The following ZNF536 variants were observed in gnomAD, a reference collection of about 807,000 sequenced individuals.
The protein encoded by ZNF536 is zinc finger protein 536.
Under a neutral mutation model 84.5 loss-of-function variants are expected in ZNF536, and 13 were observed. The observed-to-expected ratio is 0.15, with a 90% CI of 0.10 to 0.24. ZNF536 has a LOEUF of 0.24. Among genes scored for constraint, ZNF536 ranks in the 10% least tolerant of loss-of-function variants. The pLI, the probability that ZNF536 is intolerant of heterozygous loss-of-function variation, is 1.00. For missense variants in ZNF536, 1,536 were observed against 1,747.5 expected, an observed-to-expected ratio of 0.88 and a Z score of 2.16; for synonymous variants, 811 against 742.5, an observed-to-expected ratio of 1.09 and a Z score of -1.50.
chr19:30,692,108 T>A (rs997525666), intron 1 of ZNF536, among the ~76,000 whole-genome samples: 1 of 152,250 alleles, frequency 6.6e-6, no homozygotes, highest in African/African-American at 2.4e-5. Flanking sequence ...AACTTGCTCC[T>A]CTTTTCTTCC....
rs565516255 is a variant in ZNF536 at position 30,554,785 on chromosome 19, C to T, written c.3896-2372C>T. 7 of 152,296 alleles carry T rather than the reference C, an allele frequency of 4.6e-5. No homozygotes were observed. In the South Asian group the frequency reaches 1.5e-3, roughly 32 times the overall value. The allele number at this position is 152,296 out of a possible 1,614,324, so 9.4% of individuals were successfully genotyped here. On this transcript the variant is annotated intron_variant, in intron 4 of 4. Coordinates refer to ENST00000355537, the MANE Select transcript of ZNF536 (RefSeq NM_014717.3). Reference sequence around the variant, plus strand: ...GACAGGCGATGCACTGGAATTGGCCCACAGGGTCTTATTTGGTCAACCCCT... The same window carrying T: ...GACAGGCGATGCACTGGAATTGGCCTACAGGGTCTTATTTGGTCAACCCCT...
chr19:30,226,692 G>A (rs2022633450), upstream of ZNF536, among the ~76,000 whole-genome samples: 1 of 152,212 alleles, frequency 6.6e-6, no homozygotes, highest in Middle Eastern at 3.4e-3. The surrounding 1 kb of genome is among the most constrained non-coding windows in gnomAD (Gnocchi z 4.6). Context: ...AAATAAATAA[G>A]TAACAGGTTA....
At chr19:30,668,030 G>A (rs904134197) in intron 1 of ZNF536, among the ~76,000 whole-genome samples, 6 of 152,076 alleles carry the variant, frequency 3.9e-5, no homozygotes, top group African/African-American at 7.2e-5. Context: ...GAATTCTATC[G>A]AAATGGCATG....
At chr19:30,576,533 C>T (rs1014157544) in intron 1 of ZNF536, among the ~76,000 whole-genome samples, 2 of 152,146 alleles carry the variant, frequency 1.3e-5, no homozygotes, top group African/African-American at 4.8e-5. Context: ...GACAGCTGTC[C>T]AGAAGCTGCA....
Position 30,594,364 on chromosome 19 carries a change from G to A in ZNF536, c.169+44850G>A, listed in dbSNP as rs1449792788. Among the ~76,000 whole-genome samples the A allele has an allele frequency of 3.9e-5, 6 of 152,092 alleles. No individual in the cohort carries two copies. In the East Asian group the frequency reaches 1.2e-3, roughly 29 times the overall value. The stretch of plus-strand genomic sequence containing the variant: ...GGGCCTGTCCCAGGCTGGTTTCCAG[G>A]GCTGCTTTCTAGGCTGGGGACCCTG... On this transcript the variant is annotated intron_variant, in intron 1 of 1. Coordinates refer to the ZNF536 transcript ENST00000592773.
chr19:30,597,893 C>T (rs1683389833), intron 1 of ZNF536, among the ~76,000 whole-genome samples: 1 of 151,738 alleles, frequency 6.6e-6, no homozygotes, highest in Admixed American at 6.6e-5. Flanking sequence ...GTTGTGTATA[C>T]ATTATTTTGA....
intron 1 of ZNF536, among the ~76,000 whole-genome samples, chr19:30,637,899 T>C (rs905513990): frequency 6.6e-6 from 1 of 152,126 alleles, no homozygotes; most frequent in African/African-American, 2.4e-5. Flanking sequence ...AGGGTTTTTT[T>C]GCAAAGCTGG....
At chr19:30,331,714 T>A (rs1398230765) in intron 2 of ZNF536, among the ~76,000 whole-genome samples, 1 of 152,202 alleles carries the variant, frequency 6.6e-6, no homozygotes, top group Non-Finnish European at 1.5e-5. Context: ...CTCTGAAATC[T>A]GGTCTTCACC....
Position 30,429,136 on chromosome 19 carries a change from G to A in ZNF536, c.-2-14425G>A, listed in dbSNP as rs78384243. Among the ~76,000 whole-genome samples, 286 of 152,284 alleles carry A rather than the reference G, an allele frequency of 1.9e-3. 6 individuals are homozygous for A. In the East Asian group the frequency reaches 0.044, roughly 23 times the overall value. On this transcript the variant is annotated intron_variant, in intron 1 of 4. Transcript: ENST00000355537. ...CCACTGATGTAGTGGTGGGGAGGCC[G>A]TTTGTCTTGGATCCTGGCCCTGGGG... is the stretch of plus-strand genomic sequence containing the variant.
rs536759622 is a variant in ZNF536, at chr19:30,481,011, A to G, written c.2170+35279A>G. ...GTCACTGGACTCCAGCCTGGGCAACAGAGTTAGACCCTGTCTCAAAAAAAA... is the reference window on the plus strand; with the variant it reads ...GTCACTGGACTCCAGCCTGGGCAACGGAGTTAGACCCTGTCTCAAAAAAAA... On this transcript the variant is annotated intron_variant, in intron 2 of 4. Coordinates refer to ENST00000355537, the MANE Select transcript of ZNF536 (RefSeq NM_014717.3). 4.0e-4 allele frequency among the ~76,000 whole-genome samples: 58 copies of G among 143,226 alleles called. 2 individuals are homozygous for G. The South Asian group carries it at 0.014, about 34-fold the overall frequency. 94.0% of individuals were successfully genotyped at this position (143,226 alleles called of 152,430 possible).
intron 2 of ZNF536, among the ~76,000 whole-genome samples, chr19:30,526,453 G>A (rs867055905): frequency 1.6e-5 from 2 of 125,124 alleles, no homozygotes; most frequent in Non-Finnish European, 4.0e-5. Flanking sequence ...GGCCGGGCGC[G>A]GTGGCTCACG....
At chr19:30,227,877 C>T (rs1007821935), upstream of ZNF536, among the ~76,000 whole-genome samples, 4 of 150,340 alleles carry the variant, frequency 2.7e-5, no homozygotes, top group Admixed American at 2.6e-4. Context: ...CGGAGGGGGC[C>T]GGCGGAGGGG....
At chr19:30,668,813 T>G (rs1375598571) in intron 1 of ZNF536, among the ~76,000 whole-genome samples, 1 of 152,218 alleles carries the variant, frequency 6.6e-6, no homozygotes, top group Non-Finnish European at 1.5e-5. Context: ...TCATTCCACC[T>G]TCTCTAAGCC....
At chr19:30,312,544 C>T (rs963529996) in intron 2 of ZNF536, among the ~76,000 whole-genome samples, 1 of 152,158 alleles carries the variant, frequency 6.6e-6, no homozygotes, top group East Asian at 1.9e-4. Context: ...GATTATTTTT[C>T]TTTTTGTATT....
chr19:30,451,275 T>A (rs565621940), intron 2 of ZNF536, among the ~76,000 whole-genome samples: 67 of 152,384 alleles, frequency 4.4e-4, no homozygotes, highest in Non-Finnish European at 8.4e-4. Flanking sequence ...GGGATCGCCG[T>A]TGCTCTCAGA....
At chr19:30,450,810 C>T (rs1462777977) in intron 2 of ZNF536, among the ~76,000 whole-genome samples, 1 of 152,174 alleles carries the variant, frequency 6.6e-6, no homozygotes, top group African/African-American at 2.4e-5. Context: ...CCCCCTACGC[C>T]TCCCCCTGTC....
intron 1 of ZNF536, among the ~76,000 whole-genome samples, chr19:30,442,412 A>G (rs552219054): frequency 6.6e-6 from 1 of 152,370 alleles, no homozygotes; most frequent in South Asian, 2.1e-4. Context: ...TACTGCAGGT[A>G]CAATTTGTAC....
chr19:30,290,609 T>C (rs1213253169), intron 2 of ZNF536, among the ~76,000 whole-genome samples: 1 of 152,150 alleles, frequency 6.6e-6, no homozygotes, highest in Non-Finnish European at 1.5e-5. Flanking sequence ...CAATAGACAC[T>C]TGGGCTGCTT....
At chr19:30,284,490 A>C (rs887542505) in intron 2 of ZNF536, among the ~76,000 whole-genome samples, 9 of 152,214 alleles carry the variant, frequency 5.9e-5, no homozygotes, top group Admixed American at 5.2e-4. Flanking sequence ...GACCTCGTCC[A>C]AGTGCCACCT....
Sources: allele counts gnomAD v4.1 joint callset (sites outside exome capture counted in the v4.1 genomes callset), GRCh38; gene constraint gnomAD v4.1.1; non-coding constraint Gnocchi (gnomAD v3.1); transcripts MANE v1.5; gene names NCBI Gene and HGNC (gene_info 2026-07-23, HGNC 2026-07-21).